The following PIK3C2G variants were observed in gnomAD, a reference collection of about 807,000 sequenced individuals.
PIK3C2G encodes the protein phosphatidylinositol-4-phosphate 3-kinase catalytic subunit type 2 gamma, also known as phosphatidylinositol 3-kinase C2 domain-containing subunit gamma.
Under a neutral mutation model 181.1 loss-of-function variants are expected in PIK3C2G, and 168 were observed. The observed-to-expected ratio is 0.93, with a 90% CI of 0.82 to 1.05. PIK3C2G has a LOEUF of 1.05. Ranked by LOEUF, PIK3C2G falls within the 50% of genes least tolerant of loss-of-function variation. PIK3C2G has a pLI of 0.00. For synonymous variants in PIK3C2G, 573 were observed against 592.2 expected, an observed-to-expected ratio of 0.97 and a Z score of 0.47; for missense variants, 1,869 against 1,732.8, an observed-to-expected ratio of 1.08 and a Z score of -1.40.
At chr12:18,590,643 G>A (rs942883732) in intron 29 of PIK3C2G, among the ~76,000 whole-genome samples, 3 of 151,658 alleles carry the variant, frequency 2.0e-5, no homozygotes, top group Admixed American at 6.6e-5. Context: ...ACTATCTATT[G>A]GTGCAATGTG....
At chr12:18,280,861 G>A (rs1231647252) in intron 1 of PIK3C2G, among the ~76,000 whole-genome samples, 1 of 130,728 alleles carries the variant, frequency 7.6e-6, no homozygotes, top group Non-Finnish European at 1.8e-5. Flanking sequence ...GATAGACAGA[G>A]AGGGGAAGAT....
rs565185290 is a variant in PIK3C2G, at chr12:18,448,672, C to T, written c.2504+24633C>T. Among the ~76,000 whole-genome samples the T allele has an allele frequency of 5.3e-5, 8 of 152,048 alleles. No individual in the cohort carries two copies. In the East Asian group the frequency reaches 1.5e-3, roughly 29 times the overall value. ...TGTCTGGCTTATTTCATGTAATGTC[C>T]TTTAAGTTTATCCATGTTGTAGAAA... On this transcript the variant is annotated intron_variant, in intron 18 of 32. Coordinates refer to ENST00000538779, the MANE Select transcript of PIK3C2G (RefSeq NM_001288772.2).
At chr12:18,361,006 A>T (rs1252252305) in intron 11 of PIK3C2G, among the ~76,000 whole-genome samples, 4 of 151,894 alleles carry the variant, frequency 2.6e-5, no homozygotes, top group Admixed American at 2.6e-4. Flanking sequence ...TCCCATAACG[A>T]TACATTGATA....
intron 31 of PIK3C2G, among the ~76,000 whole-genome samples, chr12:18,632,369 T>C (rs1289865202): frequency 6.6e-6 from 1 of 152,184 alleles, no homozygotes; most frequent in Admixed American, 6.6e-5. Flanking sequence ...GCATTATTTT[T>C]ATCCTCATTT....
chr12:18,520,320 T>G (rs1262178025), intron 24 of PIK3C2G, among the ~76,000 whole-genome samples: 3 of 152,178 alleles, frequency 2.0e-5, no homozygotes, highest in African/African-American at 7.2e-5. Flanking sequence ...GTTTTCCAAC[T>G]TAGTTCCATT....
chr12:18,574,834 C>G (rs995106016), intron 29 of PIK3C2G, among the ~76,000 whole-genome samples: 1 of 152,022 alleles, frequency 6.6e-6, no homozygotes, highest in African/African-American at 2.4e-5. Flanking sequence ...CTTGGGAAAG[C>G]CTTTAGATGA....
rs571033394 is a variant in PIK3C2G at position 18,428,455 on chromosome 12, C to T, written c.2504+4416C>T. Among the ~76,000 whole-genome samples the T allele has an allele frequency of 3.9e-5, 6 of 152,102 alleles. No homozygotes were observed. The South Asian group carries it at 1.2e-3, about 32-fold the overall frequency. On this transcript the variant is annotated intron_variant, in intron 18 of 32. Coordinates refer to ENST00000538779, the MANE Select transcript of PIK3C2G (RefSeq NM_001288772.2). ...AAACTGAACTAAATATCCTGTCTTG[C>T]TCACACAGGTCTTGAGGTCTTCCTT...
intron 29 of PIK3C2G, among the ~76,000 whole-genome samples, chr12:18,593,226 T>C (rs1947178746): frequency 6.6e-6 from 1 of 151,932 alleles, no homozygotes; most frequent in African/African-American, 2.4e-5. Flanking sequence ...TATTTCCAAA[T>C]AATATCATGT....
intron 10 of PIK3C2G, 106 bp downstream of exon 10, chr12:18,343,466 A>AACAC (rs61320852): frequency 0.035 from 17,086 of 494,816 alleles, 340 homozygotes; most frequent in African/African-American, 0.091. Context: ...GGTAACACAC[A>AACAC]ACACACACAC....
At chr12:18,378,445 A>G (rs1565654442) in intron 13 of PIK3C2G, among the ~76,000 whole-genome samples, 1 of 152,234 alleles carries the variant, frequency 6.6e-6, no homozygotes, top group Non-Finnish European at 1.5e-5. Flanking sequence ...ACCATTCAGG[A>G]CATAGGCATG....
rs778696542 is a variant in PIK3C2G, at chr12:18,423,953, GT to G, written c.2421del (p.Phe807LeufsTer9). 1 of 1,607,182 alleles carries G rather than the reference GT, an allele frequency of 6.2e-7. No homozygotes were observed. Among genetic ancestry groups the G allele is most frequent in the South Asian group, 1.1e-5 (1 of 90,084 alleles). On this transcript the variant is annotated frameshift_variant, in exon 18 of 33. Transcript: ENST00000538779. LOFTEE classifies it high-confidence loss of function. Reference protein sequence around the residue: ...YLPQLVQAVKFEWNLESPLVQ... With the variant: ...YLPQLVQAVKXEWNLESPLVQ... ...TGTGTCTCTTACTTCAGGCTGTCAA[GT>G]TTGAATGGAACCTTGAGAGTCCTTT... is the stretch of plus-strand genomic sequence containing the variant.
chr12:18,293,875 C>A, intron 4 of PIK3C2G, 26 bp from the exon 5 acceptor site: 2 of 1,147,018 alleles, frequency 1.7e-6, no homozygotes, highest in Non-Finnish European at 2.6e-6. Context: ...CTTTTATTGA[C>A]TTTTATTATT....
chr12:18,627,749 T>A (rs910342061), intron 31 of PIK3C2G, among the ~76,000 whole-genome samples: 3 of 152,232 alleles, frequency 2.0e-5, no homozygotes, highest in Admixed American at 1.3e-4. Flanking sequence ...AACTGCAATG[T>A]GACAGGCACA....
At chr12:18,544,201 G>C (rs566832530) in intron 25 of PIK3C2G, among the ~76,000 whole-genome samples, 3 of 151,904 alleles carry the variant, frequency 2.0e-5, no homozygotes, top group East Asian at 3.9e-4. Flanking sequence ...AGTAAATGAA[G>C]GTAACCAAGT....
intron 1 of PIK3C2G, among the ~76,000 whole-genome samples, chr12:18,268,755 G>C (rs922316134): frequency 1.3e-5 from 2 of 152,068 alleles, no homozygotes; most frequent in South Asian, 4.1e-4. Flanking sequence ...TGTGTGCTGT[G>C]TTCTCAGAAG....
chr12:18,715,366 T>TTAAATTCTTAA, the PIK3C2G span, among the ~76,000 whole-genome samples: 2 of 151,950 alleles, frequency 1.3e-5, no homozygotes, highest in Non-Finnish European at 2.9e-5. Flanking sequence ...TTAAGAATAA[T>TTAAATTCTTAA]TAAATTCTTA....
chr12:18,356,978 C>A (rs2137753117), intron 11 of PIK3C2G, among the ~76,000 whole-genome samples: 1 of 152,164 alleles, frequency 6.6e-6, no homozygotes, highest in East Asian at 1.9e-4. Flanking sequence ...CTTTGCCAGG[C>A]ACCCCACCCT....
chr12:18,492,207 G>T (rs1041471011), intron 20 of PIK3C2G, among the ~76,000 whole-genome samples: 4 of 152,006 alleles, frequency 2.6e-5, no homozygotes, highest in Non-Finnish European at 5.9e-5. Flanking sequence ...AAAAGCCCAA[G>T]AGTACAAAGA....
chr12:18,555,016 C>T (rs1046645982), intron 26 of PIK3C2G, among the ~76,000 whole-genome samples: 1 of 152,036 alleles, frequency 6.6e-6, no homozygotes, highest in South Asian at 2.1e-4. Flanking sequence ...GCAACTCTTC[C>T]TGTATTTATA....
Sources: allele counts gnomAD v4.1 joint callset (sites outside exome capture counted in the v4.1 genomes callset), GRCh38; gene constraint gnomAD v4.1.1; transcripts MANE v1.5; gene names NCBI Gene and HGNC (gene_info 2026-07-23, HGNC 2026-07-21).